DKK3: variants seen among roughly 807,000 people sequenced by gnomAD.
DKK3 encodes dickkopf-related protein 3.
In DKK3, 22 loss-of-function variants were observed where a neutral mutation model predicts 33.2. The ratio of observed to expected loss-of-function variants is 0.66; its 90% CI spans 0.47 to 0.95. The LOEUF (loss-of-function observed/expected upper bound fraction) is 0.95, where lower values mean the gene tolerates loss of function less well. Ranked by LOEUF, DKK3 falls within the 40% of genes least tolerant of loss-of-function variation. The probability of loss-of-function intolerance (pLI) is 0.00; values close to 1 mark genes in which losing one functional copy is unlikely to be tolerated. For missense variants in DKK3, 398 were observed against 458.4 expected (o/e 0.87, Z 1.20); for synonymous variants, 194 against 188.8 (o/e 1.03, Z -0.23).
Position 11,981,795 on chromosome 11 carries a change from T to C in DKK3, c.436-13308A>G, listed in dbSNP as rs1847959265. On this transcript the variant is annotated intron_variant, in intron 3 of 6. Coordinates refer to ENST00000683431, the MANE Select transcript of DKK3 (RefSeq NM_001018057.2). ...ATGACTGATGTCAGCAACTTTTCCATCTCTACTTTGACCCTGCCTGGCCTT... is the reference window on the plus strand; with the variant it reads ...ATGACTGATGTCAGCAACTTTTCCACCTCTACTTTGACCCTGCCTGGCCTT... 2.0e-5 allele frequency among the ~76,000 whole-genome samples: 3 copies of C among 152,142 alleles called. 1 individual carries two copies. The South Asian group carries it at 6.2e-4, about 32-fold the overall frequency.
intron 3 of DKK3, among the ~76,000 whole-genome samples, chr11:11,969,412 A>C (rs1272512537): frequency 1.3e-5 from 2 of 152,298 alleles, no homozygotes; most frequent in Non-Finnish European, 2.9e-5. Flanking sequence ...TCCTCCCAGC[A>C]GGAGGCAGGT....
intron 5 of DKK3, 24 bp downstream of exon 5, chr11:11,966,930 T>C (rs1847610337): frequency 6.2e-7 from 1 of 1,611,328 alleles, no homozygotes; most frequent in African/African-American, 1.3e-5. Context: ...GGGTTTTTCC[T>C]GCATCTGAGG....
chr11:12,008,726 G>T, upstream of DKK3: 1 of 1,120,646 alleles, frequency 8.9e-7, no homozygotes, highest in Non-Finnish European at 1.1e-6. This position sits in a 1 kb window ranked among gnomAD's most constrained non-coding sequence, Gnocchi z 4.6. Context: ...GCACCCGCCC[G>T]GAGACGGGAG....
At position 11,963,876 on chromosome 11, in the gene DKK3, G is replaced by A. The variant is rs575949655; in HGVS notation, c.*588C>T. On this transcript the variant is annotated 3_prime_UTR_variant, in exon 7 of 7. Coordinates refer to ENST00000683431, the MANE Select transcript of DKK3 (RefSeq NM_001018057.2). Reference sequence around the variant, plus strand: ...CCAGGCTGTGCTGAGAGAGGGAATTGATCTTGGATATGAAAATGCTGCCCT... The same window carrying A: ...CCAGGCTGTGCTGAGAGAGGGAATTAATCTTGGATATGAAAATGCTGCCCT... 1 of 153,356 alleles carries A rather than the reference G, an allele frequency of 6.5e-6. No individual in the cohort carries two copies. The highest frequency in any genetic ancestry group is 2.4e-5 in the African/African-American group (1 of 41,574). 9.5% of individuals were successfully genotyped at this position (153,356 alleles called of 1,614,324 possible).
chr11:11,997,083 G>A (rs79185990), intron 3 of DKK3, among the ~76,000 whole-genome samples: 2,143 of 152,316 alleles, frequency 0.014, 49 homozygotes, highest in African/African-American at 0.048. Context: ...CAGCTGCCTC[G>A]TTGAAAGGGT....
chr11:12,006,407 C>A (rs867796560), intron 1 of DKK3, among the ~76,000 whole-genome samples: 1 of 152,226 alleles, frequency 6.6e-6, no homozygotes, highest in African/African-American at 2.4e-5. Context: ...ACTTCAGACT[C>A]GGAACGCCAC....
At chr11:11,971,492 C>T (rs1465053044) in intron 3 of DKK3, among the ~76,000 whole-genome samples, 1 of 152,194 alleles carries the variant, frequency 6.6e-6, no homozygotes, top group Non-Finnish European at 1.5e-5. Context: ...GGTGAAAGCA[C>T]TTGCATCTTA....
At chr11:12,005,678 T>G (rs1848523350) in intron 1 of DKK3, among the ~76,000 whole-genome samples, 1 of 152,204 alleles carries the variant, frequency 6.6e-6, no homozygotes, top group South Asian at 2.1e-4. Flanking sequence ...GGAAGTTACT[T>G]GAAAGGAGAT....
intron 1 of DKK3, 76 bp from the exon 2 acceptor site, chr11:12,002,513 C>A (rs934305865): frequency 4.4e-5 from 64 of 1,469,522 alleles, no homozygotes; most frequent in Admixed American, 5.7e-5. Flanking sequence ...AAAAAAAAAT[C>A]TCTTTTCCTC....
chr11:12,002,224 AAC>A, intron 2 of DKK3, 74 bp downstream of exon 2: 9 of 1,487,974 alleles, frequency 6.0e-6, no homozygotes, highest in South Asian at 1.4e-5. Context: ...CATATGAAAA[AAC>A]AAAAACAAAA....
chr11:11,977,081 T>C (rs1380099268), intron 3 of DKK3, among the ~76,000 whole-genome samples: 1 of 152,112 alleles, frequency 6.6e-6, no homozygotes, highest in Non-Finnish European at 1.5e-5. Context: ...AGTGCCAATG[T>C]CTGCAAAGGC....
chr11:11,972,761 G>C (rs1847750224), intron 3 of DKK3, among the ~76,000 whole-genome samples: 1 of 152,220 alleles, frequency 6.6e-6, no homozygotes, highest in Non-Finnish European at 1.5e-5. Context: ...CTGTGCTCAA[G>C]GGTTCTGTCC....
At chr11:11,991,772 T>G (rs1848193392) in intron 3 of DKK3, among the ~76,000 whole-genome samples, 1 of 152,146 alleles carries the variant, frequency 6.6e-6, no homozygotes, top group African/African-American at 2.4e-5. Flanking sequence ...CTTTGTAAAT[T>G]ACCCAGGCTT....
chr11:12,003,632 T>G (rs1295671161), intron 1 of DKK3, among the ~76,000 whole-genome samples: 2 of 152,104 alleles, frequency 1.3e-5, no homozygotes, highest in African/African-American at 4.8e-5. Context: ...ATTGAGCCAA[T>G]CAGATACTCT....
intron 3 of DKK3, among the ~76,000 whole-genome samples, chr11:11,971,487 AAG>A (rs1300735957): frequency 1.3e-5 from 2 of 152,212 alleles, no homozygotes; most frequent in African/African-American, 4.8e-5. Context: ...GAGTGGGTGA[AAG>A]CACTTGCATC....
Position 11,964,137 on chromosome 11 carries a change from C to A in DKK3, c.*327G>T. The A allele has an allele frequency of 3.3e-6, 1 of 306,538 alleles. No homozygotes were observed. The highest frequency in any genetic ancestry group is 6.0e-6 in the Non-Finnish European group (1 of 165,644). The allele number at this position is 306,538 out of a possible 1,614,324, so 19.0% of individuals were successfully genotyped here. ...GGAGACTCCACATTGTTTCCATCTC[C>A]TCCCCTCAAACAATTATCAAAGCCA... On this transcript the variant is annotated 3_prime_UTR_variant, in exon 7 of 7. Coordinates refer to ENST00000683431, the MANE Select transcript of DKK3 (RefSeq NM_001018057.2).
At chr11:11,984,884 A>G (rs1848036057) in intron 3 of DKK3, among the ~76,000 whole-genome samples, 1 of 151,984 alleles carries the variant, frequency 6.6e-6, no homozygotes, top group Non-Finnish European at 1.5e-5. Flanking sequence ...TGCCCCCAAC[A>G]CTACCCACAA....
Position 11,967,057 on chromosome 11 carries a change from A to T in DKK3, c.570T>A (p.Cys190Ter). The T allele has an allele frequency of 6.2e-7, 1 of 1,613,960 alleles. No homozygotes were observed. Among genetic ancestry groups the T allele is most frequent in the Non-Finnish European group, 8.5e-7 (1 of 1,180,012 alleles). Residue 190 changes from cysteine (C) to a stop codon, truncating the protein, a stop_gained, in exon 5 of 7, where the codon TGT becomes TGA. Transcript: ENST00000683431. LOFTEE classifies it high-confidence loss of function. ...CCATTTTGGTGCAGTGACCCCAGAC[A>T]CACAGCTGGTCTCCACAGCACTCAC... ...RDSECCGDQL[C>*]VWGHCTKMAT...
At chr11:11,975,767 C>G (rs999102525) in intron 3 of DKK3, among the ~76,000 whole-genome samples, 1 of 152,174 alleles carries the variant, frequency 6.6e-6, no homozygotes, top group Non-Finnish European at 1.5e-5. Flanking sequence ...CCCCCACACT[C>G]CCCTCTACAG....
Sources: gnomAD v4.1 joint callset for allele counts (sites outside exome capture counted in the v4.1 genomes callset) on GRCh38, gnomAD v4.1.1 for gene constraint, Gnocchi (gnomAD v3.1) non-coding constraint, MANE v1.5 for transcripts, NCBI Gene and HGNC (gene_info 2026-07-23, HGNC 2026-07-21) for gene names.